The following GRIN2B variants were observed in gnomAD, a reference collection of about 807,000 sequenced individuals.
The protein encoded by GRIN2B is glutamate receptor ionotropic, NMDA 2B.
In GRIN2B, 5 loss-of-function variants were observed where a neutral mutation model predicts 114.5. The ratio of observed to expected loss-of-function variants is 0.04; its 90% CI spans 0.02 to 0.09. The LOEUF (loss-of-function observed/expected upper bound fraction) is 0.09, where lower values mean the gene tolerates loss of function less well. Ranked by LOEUF, GRIN2B falls within the 10% of genes least tolerant of loss-of-function variation. The pLI is 1.00. For synonymous variants in GRIN2B, 787 were observed against 745.1 expected, an observed-to-expected ratio of 1.06 and a Z score of -0.92; for missense variants, 1,108 against 1,943.5, an observed-to-expected ratio of 0.57 and a Z score of 8.08.
Position 13,725,022 on chromosome 12 carries a change from G to A in GRIN2B, c.1010+28295C>T, listed in dbSNP as rs562591733. Among the ~76,000 whole-genome samples the A allele has an allele frequency of 3.3e-5, 5 of 152,194 alleles. No individual in the cohort carries two copies. In the South Asian group the frequency reaches 8.3e-4, roughly 25 times the overall value. ...CAGTAAATTCAGATGTCAGTGAAAG[G>A]CAAACAACTTCCTTGAGACAGAGCA... On this transcript the variant is annotated intron_variant, in intron 4 of 13. Coordinates refer to ENST00000609686, the MANE Select transcript of GRIN2B (RefSeq NM_000834.5).
chr12:13,796,235 T>C (rs1435029791), intron 3 of GRIN2B, among the ~76,000 whole-genome samples: 1 of 152,168 alleles, frequency 6.6e-6, no homozygotes, highest in Non-Finnish European at 1.5e-5. Flanking sequence ...ACATTTTTAA[T>C]GTTGTAAAAT....
intron 3 of GRIN2B, among the ~76,000 whole-genome samples, chr12:13,810,413 C>T (rs1402011770): frequency 6.6e-6 from 1 of 152,032 alleles, no homozygotes; most frequent in African/African-American, 2.4e-5. Flanking sequence ...TAAAAAGTTT[C>T]ATTAAAGCAG....
In GRIN2B at chr12:13,762,047, AG is replaced by A. The variant is rs1863688786; in HGVS notation, c.412-8133del. On this transcript the variant is annotated intron_variant, in intron 3 of 13. Coordinates refer to ENST00000609686, the MANE Select transcript of GRIN2B (RefSeq NM_000834.5). ...GGAAGGGAGTCTAGCTCTGTCACCCAGGCTGGAGTGCAGTGGTGCAATCTCG... is the reference window on the plus strand; with the variant it reads ...GGAAGGGAGTCTAGCTCTGTCACCCAGCTGGAGTGCAGTGGTGCAATCTCG... Among the ~76,000 whole-genome samples the A allele has an allele frequency of 7.2e-5, 11 of 152,334 alleles. 1 individual carries two copies. In the South Asian group the frequency reaches 2.3e-3, roughly 32 times the overall value.
In GRIN2B at chr12:13,559,234, T is replaced by G. The variant is rs1196901078; in HGVS notation, c.*3549A>C. 6.6e-6 allele frequency: 1 copy of G among 152,216 alleles called. No homozygotes were observed. Among genetic ancestry groups the G allele is most frequent in the African/African-American group, 2.4e-5 (1 of 41,452 alleles). The allele number at this position is 152,216 out of a possible 1,614,324, so 9.4% of individuals were successfully genotyped here. A position where few individuals can be genotyped will look rare whatever the true frequency, so the allele number is the denominator to read the frequency against. ...CAGACCATGAGTAACTTAGTCCCAG[T>G]GCAAATATCCAGTTGAAGAAAAGCA... On this transcript the variant is annotated 3_prime_UTR_variant, in exon 14 of 14. Coordinates refer to ENST00000609686, the MANE Select transcript of GRIN2B (RefSeq NM_000834.5).
chr12:13,841,874 T>A (rs982595174), intron 3 of GRIN2B, among the ~76,000 whole-genome samples: 28 of 152,146 alleles, frequency 1.8e-4, no homozygotes, highest in South Asian at 1.5e-3. Flanking sequence ...TTTGTTTTTT[T>A]AAAAAAAATA....
intron 3 of GRIN2B, among the ~76,000 whole-genome samples, chr12:13,793,850 G>A (rs868085774): frequency 1.5e-4 from 23 of 152,002 alleles, no homozygotes; most frequent in Admixed American, 1.1e-3. Context: ...AGAAGGAAGT[G>A]GGAGAGGGTT....
chr12:13,754,703 C>G (rs771789138), intron 3 of GRIN2B, among the ~76,000 whole-genome samples: 7 of 152,104 alleles, frequency 4.6e-5, no homozygotes, highest in Non-Finnish European at 8.8e-5. Context: ...AAAATTATTG[C>G]CATTTGAACT....
chr12:13,761,211 C>T (rs925026329), intron 3 of GRIN2B, among the ~76,000 whole-genome samples: 4 of 152,162 alleles, frequency 2.6e-5, no homozygotes, highest in East Asian at 1.9e-4. Context: ...AAACAACTTC[C>T]GCAGAAGCCA....
intron 2 of GRIN2B, among the ~76,000 whole-genome samples, chr12:13,868,737 A>C (rs1393895617): frequency 1.8e-4 from 28 of 152,148 alleles, no homozygotes; most frequent in Admixed American, 1.8e-3. Context: ...AATATATTAT[A>C]TTTGGCTATG....
chr12:13,691,692 G>C (rs1950216291), intron 4 of GRIN2B, among the ~76,000 whole-genome samples: 1 of 152,192 alleles, frequency 6.6e-6, no homozygotes, highest in Non-Finnish European at 1.5e-5. Context: ...GGTGAGTGTA[G>C]AAGAGATAGA....
At chr12:13,825,496 T>TGTGTGTGTGTGTGTG (rs1555144019) in intron 3 of GRIN2B, among the ~76,000 whole-genome samples, 4 of 122,994 alleles carry the variant, frequency 3.3e-5, no homozygotes, top group Non-Finnish European at 6.5e-5. Flanking sequence ...TATATATATT[T>TGTGTGTGTGTGTGTG]TGTGTGTGTG....
intron 10 of GRIN2B, among the ~76,000 whole-genome samples, chr12:13,601,641 G>A (rs1182078610): frequency 6.6e-6 from 1 of 152,046 alleles, no homozygotes; most frequent in East Asian, 1.9e-4. Flanking sequence ...GAGCTTAGAG[G>A]TGAGGAATAC....
intron 2 of GRIN2B, among the ~76,000 whole-genome samples, chr12:13,873,443 G>A (rs1430669041): frequency 1.3e-5 from 2 of 152,170 alleles, no homozygotes; most frequent in Non-Finnish European, 2.9e-5. Context: ...AATGCACTTA[G>A]TGTCTGCTAA....
chr12:13,767,123 G>C (rs936924059), intron 3 of GRIN2B, among the ~76,000 whole-genome samples: 2 of 152,094 alleles, frequency 1.3e-5, no homozygotes, highest in African/African-American at 4.8e-5. Context: ...AGCCGGGCGT[G>C]GTGGCGGGCG....
At chr12:13,859,990 A>G (rs985810513) in intron 3 of GRIN2B, among the ~76,000 whole-genome samples, 1 of 152,254 alleles carries the variant, frequency 6.6e-6, no homozygotes, top group Non-Finnish European at 1.5e-5. Context: ...TAACAATCTA[A>G]CAGACACCAG....
intron 4 of GRIN2B, among the ~76,000 whole-genome samples, chr12:13,716,208 C>G (rs530881837): frequency 6.6e-6 from 1 of 151,898 alleles, no homozygotes; most frequent in Non-Finnish European, 1.5e-5. Flanking sequence ...AAAACAGCCT[C>G]TTAATAAATG....
chr12:13,695,376 T>C lies in GRIN2B; in HGVS notation c.1011-19517A>G, dbSNP rs1037346905. 2.0e-5 allele frequency among the ~76,000 whole-genome samples: 3 copies of C among 152,102 alleles called. No individual in the cohort carries two copies. The East Asian group carries it at 5.8e-4, about 29-fold the overall frequency. ...GGAGAGGAAAACCCCATGAAAACAA[T>C]GGTTTAAAGACTATGCTTGTTTTAT... is the stretch of plus-strand genomic sequence containing the variant. On this transcript the variant is annotated intron_variant, in intron 4 of 13. Transcript: ENST00000609686.
At chr12:13,748,969 T>C (rs1253239530) in intron 4 of GRIN2B, among the ~76,000 whole-genome samples, 1 of 152,242 alleles carries the variant, frequency 6.6e-6, no homozygotes, top group East Asian at 1.9e-4. Context: ...TTAAGTATTT[T>C]TCTTGCAACC....
At chr12:13,595,594 AC>A (rs1261231251) in intron 10 of GRIN2B, among the ~76,000 whole-genome samples, 1 of 152,142 alleles carries the variant, frequency 6.6e-6, no homozygotes, top group African/African-American at 2.4e-5. Context: ...ACTGGCATTG[AC>A]TTTGACTCTG....
Sources: allele counts gnomAD v4.1 joint callset (sites outside exome capture counted in the v4.1 genomes callset), GRCh38; gene constraint gnomAD v4.1.1; transcripts MANE v1.5; gene names NCBI Gene and HGNC (gene_info 2026-07-23, HGNC 2026-07-21).